The following KAZN variants were observed in gnomAD, a reference collection of about 807,000 sequenced individuals.
KAZN encodes the protein kazrin.
KAZN carries 40 observed loss-of-function variants against 87.4 expected under a neutral mutation model. The ratio of observed to expected loss-of-function variants is 0.46; its 90% CI spans 0.36 to 0.60. The LOEUF (loss-of-function observed/expected upper bound fraction) is 0.60, where lower values mean the gene tolerates loss of function less well. Among genes scored for constraint, KAZN ranks in the 20% least tolerant of loss-of-function variants. The pLI is 0.00. For synonymous variants in KAZN, 466 were observed against 458.3 expected, an observed-to-expected ratio of 1.02 and a Z score of -0.22; for missense variants, 898 against 1,073.9, an observed-to-expected ratio of 0.84 and a Z score of 2.29.
chr1:14,010,723 C>T (rs1176629405), intron 1 of KAZN, among the ~76,000 whole-genome samples: 1 of 152,196 alleles, frequency 6.6e-6, no homozygotes, highest in African/African-American at 2.4e-5. Context: ...GACATGTACT[C>T]AGGGTGGACA....
chr1:14,633,483 G>C (rs921136845), intron 1 of KAZN, among the ~76,000 whole-genome samples: 1 of 152,156 alleles, frequency 6.6e-6, no homozygotes, highest in Admixed American at 6.5e-5. Flanking sequence ...GAAAGGCAAG[G>C]AACTGGATTC....
intron 1 of KAZN, among the ~76,000 whole-genome samples, chr1:14,777,805 A>G (rs895044623): frequency 1.3e-5 from 2 of 152,170 alleles, no homozygotes; most frequent in African/African-American, 4.8e-5. Context: ...GAATGGGGTG[A>G]GCAATTCTCA....
At chr1:14,956,818 A>G (rs1408058927) in intron 1 of KAZN, among the ~76,000 whole-genome samples, 3 of 152,098 alleles carry the variant, frequency 2.0e-5, no homozygotes, top group East Asian at 1.9e-4. Flanking sequence ...CAGTGAGCTG[A>G]GGTGGGAGCA....
intron 1 of KAZN, among the ~76,000 whole-genome samples, chr1:14,077,590 C>T (rs1239913645): frequency 2.0e-5 from 3 of 152,024 alleles, no homozygotes; most frequent in Admixed American, 6.6e-5. Context: ...TCAGGCTCTG[C>T]GGTGATACTG....
Position 14,365,735 on chromosome 1 carries a change from T to C in KAZN, c.249+185143T>C, listed in dbSNP as rs556744874. Reference sequence around the variant, plus strand: ...GTCTTCAGACATTACCAAATATCCCTTGAGGAGCCAAATTGCCTCAGTTAA... The same window carrying C: ...GTCTTCAGACATTACCAAATATCCCCTGAGGAGCCAAATTGCCTCAGTTAA... On this transcript the variant is annotated intron_variant, in intron 2 of 16. Coordinates refer to the KAZN transcript ENST00000636203. Among the ~76,000 whole-genome samples the C allele has an allele frequency of 2.0e-5, 3 of 152,286 alleles. No homozygotes were observed. In the South Asian group the frequency reaches 6.2e-4, roughly 32 times the overall value.
In KAZN at chr1:14,671,907, T is replaced by C. The variant is rs538620419; in HGVS notation, c.226+72684T>C. 4.6e-5 allele frequency among the ~76,000 whole-genome samples: 7 copies of C among 152,296 alleles called. No homozygotes were observed. In the South Asian group the frequency reaches 1.0e-3, roughly 23 times the overall value. ...TTCAAAGGGCCTCTTTTTAGAACAT[T>C]CCATTTTCCCATTAGCGCAAGCCTC... On this transcript the variant is annotated intron_variant, in intron 1 of 14. Coordinates refer to ENST00000376030, the MANE Select transcript of KAZN (RefSeq NM_201628.3).
intron 4 of KAZN, among the ~76,000 whole-genome samples, chr1:15,045,756 C>T (rs1673413042): frequency 6.6e-6 from 1 of 152,164 alleles, no homozygotes; most frequent in South Asian, 2.1e-4. Flanking sequence ...ACCTTCTTTA[C>T]AGGATGGCAG....
Position 14,335,203 on chromosome 1 carries a change from CT to C in KAZN, c.249+154627del, listed in dbSNP as rs34934115. 5.1e-3 allele frequency among the ~76,000 whole-genome samples: 668 copies of C among 131,292 alleles called. 2 individuals are homozygous for C. Among genetic ancestry groups the C allele is most frequent in the African/African-American group, 9.5e-3 (341 of 35,956 alleles). 86.1% of individuals were successfully genotyped at this position (131,292 alleles called of 152,430 possible). ...AAAGGAGGCCGGCATGTCCTCCTTTCTTTTTTTTTTTTTTTTGGAGATGGAG... is the reference window on the plus strand; with the variant it reads ...AAAGGAGGCCGGCATGTCCTCCTTTCTTTTTTTTTTTTTTTGGAGATGGAG... On this transcript the variant is annotated intron_variant, in intron 2 of 16. Coordinates refer to the KAZN transcript ENST00000636203.
intron 1 of KAZN, among the ~76,000 whole-genome samples, chr1:14,007,414 T>C (rs1208038355): frequency 6.6e-6 from 1 of 152,196 alleles, no homozygotes; most frequent in Non-Finnish European, 1.5e-5. Flanking sequence ...CTTGATTAAC[T>C]GTCTATGGCC....
intron 2 of KAZN, among the ~76,000 whole-genome samples, chr1:15,015,542 A>G (rs1670000957): frequency 6.6e-6 from 1 of 152,126 alleles, no homozygotes; most frequent in Non-Finnish European, 1.5e-5. Flanking sequence ...TCTCGGGTGA[A>G]GAGTGGTCCT....
intron 1 of KAZN, among the ~76,000 whole-genome samples, chr1:13,958,368 A>C (rs1232125897): frequency 6.6e-6 from 1 of 152,088 alleles, no homozygotes; most frequent in Non-Finnish European, 1.5e-5. Context: ...CAGAGGATAG[A>C]GACCATCCTG....
chr1:14,435,481 C>A (rs1480094370), intron 2 of KAZN, among the ~76,000 whole-genome samples: 1 of 152,172 alleles, frequency 6.6e-6, no homozygotes, highest in Non-Finnish European at 1.5e-5. Context: ...AGGCATGACC[C>A]GCGCCACCTG....
At chr1:14,904,494 T>C (rs543941531) in intron 1 of KAZN, among the ~76,000 whole-genome samples, 5 of 152,204 alleles carry the variant, frequency 3.3e-5, no homozygotes, top group Admixed American at 6.5e-5. Flanking sequence ...AGCTGCCACA[T>C]GGACGTCAGC....
intron 1 of KAZN, among the ~76,000 whole-genome samples, chr1:14,164,630 C>T (rs1475669672): frequency 6.7e-6 from 1 of 149,558 alleles, no homozygotes; most frequent in Non-Finnish European, 1.5e-5. Flanking sequence ...AACCTCCGCT[C>T]CCTGGGTTCA....
chr1:14,233,739 G>T (rs1024575113), intron 2 of KAZN, among the ~76,000 whole-genome samples: 15 of 152,178 alleles, frequency 9.9e-5, no homozygotes, highest in African/African-American at 2.9e-4. Context: ...AACCTCCACA[G>T]TGTGTCTTTT....
At chr1:14,260,489 C>T (rs1400109432) in intron 2 of KAZN, among the ~76,000 whole-genome samples, 1 of 152,026 alleles carries the variant, frequency 6.6e-6, no homozygotes, top group Admixed American at 6.6e-5. Context: ...GCAGGGTGAG[C>T]CCATGGGGAC....
intron 1 of KAZN, among the ~76,000 whole-genome samples, chr1:14,887,325 G>A (rs548075952): frequency 6.6e-6 from 1 of 152,200 alleles, no homozygotes; most frequent in South Asian, 2.1e-4. Context: ...GCATTGCCGT[G>A]AAGAACTTGA....
At chr1:14,462,271 T>C (rs1028566803) in intron 2 of KAZN, among the ~76,000 whole-genome samples, 2 of 151,374 alleles carry the variant, frequency 1.3e-5, no homozygotes, top group African/African-American at 4.9e-5. Context: ...GGACTAAGAG[T>C]GGAGACCGTT....
Position 14,000,702 on chromosome 1 carries a change from G to A in KAZN, c.91+106946G>A, listed in dbSNP as rs371904033. On this transcript the variant is annotated intron_variant, in intron 1 of 16. Transcript: ENST00000636203. ...ACATAGTATTGGAAGTTCTGGCTGG[G>A]CAATCAAGCAAGAGAAAGAAATAAA... Among the ~76,000 whole-genome samples, 9 of 152,294 alleles carry A rather than the reference G, an allele frequency of 5.9e-5. No individual in the cohort carries two copies. The South Asian group carries it at 1.9e-3, about 32-fold the overall frequency.
Sources: gnomAD v4.1 joint callset for allele counts (sites outside exome capture counted in the v4.1 genomes callset) on GRCh38, gnomAD v4.1.1 for gene constraint, MANE v1.5 for transcripts, NCBI Gene and HGNC (gene_info 2026-07-23, HGNC 2026-07-21) for gene names.